Variants in MMP16 observed in about 807,000 individuals in gnomAD.
MMP16 encodes the protein matrix metalloproteinase-16.
MMP16 carries 12 observed loss-of-function variants against 67.8 expected under a neutral mutation model. That is an observed-to-expected ratio of 0.18 (90% CI 0.11 to 0.29). MMP16 has a LOEUF of 0.29. Among genes scored for constraint, MMP16 ranks in the 10% least tolerant of loss-of-function variants. The pLI is 1.00. For synonymous variants in MMP16, 249 were observed against 255.9 expected, an observed-to-expected ratio of 0.97 and a Z score of 0.26; for missense variants, 475 against 765.7, an observed-to-expected ratio of 0.62 and a Z score of 4.48.
chr8:88,290,582 T>C (rs1210951067), intron 1 of MMP16, among the ~76,000 whole-genome samples: 2 of 152,064 alleles, frequency 1.3e-5, no homozygotes, highest in Admixed American at 6.6e-5. Context: ...AATTATTTTA[T>C]ATTTATTTAT....
chr8:88,222,758 G>A (rs909115533), intron 1 of MMP16, among the ~76,000 whole-genome samples: 2 of 152,102 alleles, frequency 1.3e-5, no homozygotes, highest in African/African-American at 4.8e-5. Flanking sequence ...GAAAACCTAG[G>A]CAATACCATT....
rs1808071644 is a variant in MMP16, at chr8:88,037,597, T to C, written c.*3864A>G. 1 of 151,972 alleles carries C rather than the reference T, an allele frequency of 6.6e-6. No homozygotes were observed. Among genetic ancestry groups the C allele is most frequent in the Non-Finnish European group, 1.5e-5 (1 of 67,878 alleles). The allele number at this position is 151,972 out of a possible 1,614,324, so 9.4% of individuals were successfully genotyped here. ...AACCTTTGCAATCAGAAAGAGCATCTGTATTCACCTGCTCTGACTGCCATG... is the reference window on the plus strand; with the variant it reads ...AACCTTTGCAATCAGAAAGAGCATCCGTATTCACCTGCTCTGACTGCCATG... On this transcript the variant is annotated 3_prime_UTR_variant, in exon 10 of 10. Transcript: ENST00000286614.
intron 1 of MMP16, among the ~76,000 whole-genome samples, chr8:88,200,019 CT>C: frequency 6.6e-6 from 1 of 152,048 alleles, no homozygotes; most frequent in East Asian, 1.9e-4. Context: ...ACACAAAGCC[CT>C]TAGCATAATT....
intron 1 of MMP16, among the ~76,000 whole-genome samples, chr8:88,307,365 G>A (rs1339931776): frequency 6.6e-6 from 1 of 151,834 alleles, no homozygotes; most frequent in Non-Finnish European, 1.5e-5. Context: ...ATCCTTTTCT[G>A]GTTTTATTTG....
chr8:88,186,995 T>C (rs1809086095), intron 2 of MMP16, among the ~76,000 whole-genome samples: 1 of 152,200 alleles, frequency 6.6e-6, no homozygotes, highest in South Asian at 2.1e-4. Flanking sequence ...ACCTTTAACA[T>C]TCAAAGATTA....
In MMP16 at chr8:88,154,332, A is replaced by G. The variant is rs1427364181; in HGVS notation, c.709+13337T>C. 4.2e-5 allele frequency among the ~76,000 whole-genome samples: 6 copies of G among 142,162 alleles called. No homozygotes were observed. In the East Asian group the frequency reaches 1.2e-3, roughly 29 times the overall value. The allele number at this position is 142,162 out of a possible 152,430, so 93.3% of individuals were successfully genotyped here. On this transcript the variant is annotated intron_variant, in intron 4 of 9. Coordinates refer to ENST00000286614, the MANE Select transcript of MMP16 (RefSeq NM_005941.5). Reference sequence around the variant, plus strand: ...GGCGTTTCCTCAGGGATCTAGAACTAGAAATACCATTTGACCCAGCCATCC... The same window carrying G: ...GGCGTTTCCTCAGGGATCTAGAACTGGAAATACCATTTGACCCAGCCATCC...
At chr8:88,269,545 G>C (rs1184538024) in intron 1 of MMP16, among the ~76,000 whole-genome samples, 2 of 152,170 alleles carry the variant, frequency 1.3e-5, no homozygotes, top group African/African-American at 4.8e-5. Context: ...CTGATACTGA[G>C]ACTAGAACTG....
Position 88,076,559 on chromosome 8 carries a change from G to A in MMP16, c.1084-1816C>T, listed in dbSNP as rs1200078064. 2.6e-5 allele frequency among the ~76,000 whole-genome samples: 4 copies of A among 152,186 alleles called. No homozygotes were observed. The East Asian group carries it at 7.8e-4, about 29-fold the overall frequency. ...GGATTAATAATGTTTTGATCCATAT[G>A]CAGTAGATTTTCAAATACAATTTCA... is the stretch of plus-strand genomic sequence containing the variant. On this transcript the variant is annotated intron_variant, in intron 6 of 9. Coordinates refer to ENST00000286614, the MANE Select transcript of MMP16 (RefSeq NM_005941.5).
intron 1 of MMP16, among the ~76,000 whole-genome samples, chr8:88,290,796 C>A (rs1810914854): frequency 6.6e-6 from 1 of 152,068 alleles, no homozygotes; most frequent in African/African-American, 2.4e-5. Context: ...AATCATGACA[C>A]CTTACTTGAT....
intron 1 of MMP16, among the ~76,000 whole-genome samples, chr8:88,198,363 G>C (rs1285523938): frequency 1.3e-5 from 2 of 151,960 alleles, no homozygotes; most frequent in African/African-American, 4.8e-5. Context: ...AAGTAATTCT[G>C]TCCCTGGCAT....
chr8:88,289,941 C>T (rs567109184), intron 1 of MMP16, among the ~76,000 whole-genome samples: 1 of 152,104 alleles, frequency 6.6e-6, no homozygotes, highest in Admixed American at 6.6e-5. Context: ...TGCACTGCCC[C>T]CTACTGCCTC....
At chr8:88,060,045 GTGT>G (rs1478610903) in intron 7 of MMP16, among the ~76,000 whole-genome samples, 1 of 151,736 alleles carries the variant, frequency 6.6e-6, no homozygotes, top group Non-Finnish European at 1.5e-5. Context: ...CAGCAGGCAA[GTGT>G]AGCAAGTTCC....
intron 4 of MMP16, among the ~76,000 whole-genome samples, chr8:88,157,307 A>G (rs966079035): frequency 2.6e-5 from 4 of 152,098 alleles, no homozygotes; most frequent in Admixed American, 6.6e-5. Context: ...TATAGGTAGT[A>G]TAAGTAGGCT....
chr8:88,037,663 C>T lies in MMP16; in HGVS notation c.*3798G>A, dbSNP rs919311194. 1.3e-5 allele frequency: 2 copies of T among 151,930 alleles called. No homozygotes were observed. The highest frequency in any genetic ancestry group is 4.8e-5 in the African/African-American group (2 of 41,408). 9.4% of individuals were successfully genotyped at this position (151,930 alleles called of 1,614,324 possible). A position where few individuals can be genotyped will look rare whatever the true frequency, so the allele number is the denominator to read the frequency against. ...CTGAAATGAGTCAATAAATTCACAA[C>T]CTTATCTACAATTCTGATGCGGAAT... On this transcript the variant is annotated 3_prime_UTR_variant, in exon 10 of 10. Transcript: ENST00000286614.
chr8:88,067,566 T>C (rs1808479714), intron 7 of MMP16, among the ~76,000 whole-genome samples: 1 of 152,134 alleles, frequency 6.6e-6, no homozygotes, highest in South Asian at 2.1e-4. Context: ...TGAGAAGTTT[T>C]CTTCACACCC....
chr8:88,108,924 G>T (rs1398115658), intron 6 of MMP16, among the ~76,000 whole-genome samples: 2 of 151,200 alleles, frequency 1.3e-5, no homozygotes, highest in Non-Finnish European at 3.0e-5. Context: ...AAAGTCTGTT[G>T]TTGCTTTTGT....
At chr8:88,108,192 T>A (rs1034549148) in intron 6 of MMP16, among the ~76,000 whole-genome samples, 28 of 151,176 alleles carry the variant, frequency 1.9e-4, no homozygotes, top group African/African-American at 6.5e-4. Context: ...TGAAAAAATA[T>A]TAAAAATAAT....
intron 1 of MMP16, among the ~76,000 whole-genome samples, chr8:88,316,512 A>C (rs1401421066): frequency 2.0e-5 from 3 of 152,220 alleles, no homozygotes; most frequent in Non-Finnish European, 4.4e-5. Flanking sequence ...AGCTTGGATG[A>C]CAGCATATCT....
chr8:88,060,477 C>A (rs1413085622), intron 7 of MMP16, among the ~76,000 whole-genome samples: 1 of 152,056 alleles, frequency 6.6e-6, no homozygotes, highest in African/African-American at 2.4e-5. Context: ...CAGGATAAAA[C>A]CCAAATTCAT....
Sources: allele counts gnomAD v4.1 joint callset (sites outside exome capture counted in the v4.1 genomes callset), GRCh38; gene constraint gnomAD v4.1.1; transcripts MANE v1.5; gene names NCBI Gene and HGNC (gene_info 2026-07-23, HGNC 2026-07-21).